Variants in TRPM3 observed in about 807,000 individuals in gnomAD.
The protein encoded by TRPM3 is long transient receptor potential channel 3.
Under a neutral mutation model 181.2 loss-of-function variants are expected in TRPM3, and 77 were observed. The ratio of observed to expected loss-of-function variants is 0.42; its 90% confidence interval spans 0.35 to 0.51. TRPM3 has a LOEUF of 0.51. TRPM3 is among the 20% of genes least tolerant of loss of function. The probability of loss-of-function intolerance (pLI) is 0.01; values close to 1 mark genes in which losing one functional copy is unlikely to be tolerated. For missense variants in TRPM3, 1,759 were observed against 2,196.7 expected (o/e 0.80, Z 3.98); for synonymous variants, 745 against 796.4 (o/e 0.94, Z 1.09).
At chr9:70,609,056 TATGTCAAGGAACTGTTCTA>T (rs1474544994) in intron 19 of TRPM3, among the ~76,000 whole-genome samples, 1 of 152,226 alleles carries the variant, frequency 6.6e-6, no homozygotes, top group African/African-American at 2.4e-5. Context: ...ATTGTACTTA[TATGTCAAGGAACTGTTCTA>T]AGTGCTTTAC....
At chr9:70,563,557 T>C (rs1017121153) in intron 22 of TRPM3, among the ~76,000 whole-genome samples, 3 of 152,160 alleles carry the variant, frequency 2.0e-5, no homozygotes, top group East Asian at 1.9e-4. Context: ...AGTGAGTTCA[T>C]TGAATGGCCA....
chr9:71,015,971 C>A (rs958076904), intron 1 of TRPM3, among the ~76,000 whole-genome samples: 1 of 151,626 alleles, frequency 6.6e-6, no homozygotes, highest in African/African-American at 2.4e-5. Context: ...CCGAGGGAGG[C>A]GGATCACGAG....
chr9:71,099,853 G>GT (rs1163086432), intron 1 of TRPM3, among the ~76,000 whole-genome samples: 1 of 152,142 alleles, frequency 6.6e-6, no homozygotes, highest in African/African-American at 2.4e-5. Context: ...TTTAAAGAGA[G>GT]TAAATCCTTT....
At chr9:71,290,923 C>G (rs1588322899) in intron 1 of TRPM3, among the ~76,000 whole-genome samples, 1 of 151,890 alleles carries the variant, frequency 6.6e-6, no homozygotes, top group Non-Finnish European at 1.5e-5. Context: ...AAAAAGAAAA[C>G]AGCACAAGCA....
chr9:70,874,325 T>C lies in TRPM3; in HGVS notation c.178-9814A>G, dbSNP rs1004648958. The stretch of plus-strand genomic sequence containing the variant: ...TTATTCTGCAGTTCCCAGAATGCTA[T>C]GGCATATAGAATTTCATGTAATCTT... On this transcript the variant is annotated intron_variant, in intron 1 of 25. Coordinates refer to ENST00000677713, the MANE Select transcript of TRPM3 (RefSeq NM_001366145.2). 3.9e-5 allele frequency among the ~76,000 whole-genome samples: 6 copies of C among 152,134 alleles called. No individual in the cohort carries two copies. In the South Asian group the frequency reaches 1.2e-3, roughly 32 times the overall value.
chr9:70,588,760 A>G (rs991312434), intron 22 of TRPM3, among the ~76,000 whole-genome samples: 6 of 152,240 alleles, frequency 3.9e-5, no homozygotes, highest in Admixed American at 1.3e-4. Flanking sequence ...ACTCCAGAGC[A>G]GTTCTGAATG....
Position 70,625,216 on chromosome 9 carries a change from T to C in TRPM3, c.1784A>G (p.Tyr595Cys). 1 of 1,613,996 alleles carries C rather than the reference T, an allele frequency of 6.2e-7. No homozygotes were observed. The change falls in exon 14 of 26, where the codon TAC becomes TGC. Residue 595 changes from tyrosine to cysteine, a missense_variant. Tyr to Cys is a radical substitution (Grantham distance 194, BLOSUM62 -2). Around this residue, in one of 8 missense-constraint regions of TRPM3, gnomAD observed 737 missense variants for 957.4 expected, o/e 0.77. Coordinates refer to ENST00000677713, the MANE Select transcript of TRPM3 (RefSeq NM_001366145.2). The surrounding 1 kb of genome is among the most constrained non-coding windows in gnomAD (Gnocchi z 4.8). ...NYTRKRFRTL[Y>C]HNLFGPKRPK... is the part of the protein sequence containing the mutation. Reference sequence around the variant, plus strand: ...CCTCTTGGGGCCGAAGAGGTTGTGGTAGAGGGTCCGGAAGCGCTTGCGCGT... The same window carrying C: ...CCTCTTGGGGCCGAAGAGGTTGTGGCAGAGGGTCCGGAAGCGCTTGCGCGT...
At chr9:71,133,734 T>C (rs1457611026) in intron 1 of TRPM3, among the ~76,000 whole-genome samples, 1 of 152,226 alleles carries the variant, frequency 6.6e-6, no homozygotes, top group Admixed American at 6.5e-5. Context: ...TTGATGATGT[T>C]GTTATTTACA....
At chr9:71,348,125 TTA>T (rs1319623741) in intron 1 of TRPM3, among the ~76,000 whole-genome samples, 1 of 152,198 alleles carries the variant, frequency 6.6e-6, no homozygotes, top group African/African-American at 2.4e-5. Context: ...AAAAAGAAAA[TTA>T]TTTTTGCCCT....
intron 21 of TRPM3, 152 bp downstream of exon 21, chr9:70,598,267 C>T: frequency 9.5e-7 from 1 of 1,048,406 alleles, no homozygotes; most frequent in East Asian, 2.4e-5. Context: ...GTCAAACCCC[C>T]AAACATTCAA....
At chr9:70,761,503 G>C in intron 8 of TRPM3, 98 bp downstream of exon 8, 2 of 1,573,090 alleles carry the variant, frequency 1.3e-6, no homozygotes, top group African/African-American at 1.3e-5. Context: ...AGCTCGGCCA[G>C]AAAGAGAGAA....
chr9:71,407,198 G>A (rs2093452281), intron 1 of TRPM3, among the ~76,000 whole-genome samples: 1 of 152,144 alleles, frequency 6.6e-6, no homozygotes, highest in African/African-American at 2.4e-5. Flanking sequence ...TTCCAACTGA[G>A]GTACCGGGTT....
At chr9:71,147,006 C>T (rs527457354) in intron 1 of TRPM3, among the ~76,000 whole-genome samples, 24 of 152,200 alleles carry the variant, frequency 1.6e-4, no homozygotes, top group Admixed American at 4.6e-4. Flanking sequence ...AACCCGTCTG[C>T]GAGGGAAACC....
intron 8 of TRPM3, among the ~76,000 whole-genome samples, chr9:70,687,479 T>C (rs963200489): frequency 8.5e-5 from 13 of 152,202 alleles, no homozygotes; most frequent in African/African-American, 3.1e-4. Context: ...TAGTTGATCT[T>C]ATCAAAGCAC....
chr9:71,228,321 T>G (rs1201000811), intron 1 of TRPM3, among the ~76,000 whole-genome samples: 3 of 151,716 alleles, frequency 2.0e-5, no homozygotes, highest in Non-Finnish European at 4.4e-5. Flanking sequence ...ATAGAAGGAG[T>G]AAACCTCAAC....
At chr9:70,758,561 C>T (rs1009883197) in intron 8 of TRPM3, among the ~76,000 whole-genome samples, 4 of 152,130 alleles carry the variant, frequency 2.6e-5, no homozygotes, top group Admixed American at 6.6e-5. Flanking sequence ...GGAGGCATCA[C>T]GCTACCTGGC....
At chr9:71,188,319 G>A (rs970716244) in intron 1 of TRPM3, among the ~76,000 whole-genome samples, 2 of 151,716 alleles carry the variant, frequency 1.3e-5, no homozygotes, top group African/African-American at 4.8e-5. Flanking sequence ...ATGTGAGTAG[G>A]AAAAGGAAAA....
rs143309691 is a variant in TRPM3, at chr9:70,914,595, G to A, written c.178-50084C>T. On this transcript the variant is annotated intron_variant, in intron 1 of 25. Coordinates refer to ENST00000677713, the MANE Select transcript of TRPM3 (RefSeq NM_001366145.2). ...TGACAATGCAGAGTCCAGTGTCCTT[G>A]AGCAAACATAGGAGACAGCTAGGGA... Among the ~76,000 whole-genome samples the A allele has an allele frequency of 2.2e-4, 34 of 152,284 alleles. No individual in the cohort carries two copies. In the East Asian group the frequency reaches 5.2e-3, roughly 23 times the overall value.
chr9:70,636,147 A>G (rs921465946), intron 11 of TRPM3, among the ~76,000 whole-genome samples: 7 of 152,260 alleles, frequency 4.6e-5, no homozygotes, highest in African/African-American at 1.7e-4. Flanking sequence ...GCAAGTAGCC[A>G]TAGATCATAT....
Sources: gnomAD v4.1 joint callset for allele counts (sites outside exome capture counted in the v4.1 genomes callset) on GRCh38, gnomAD v4.1.1 for gene constraint, gnomAD v4.1.1 regional missense constraint, Gnocchi (gnomAD v3.1) non-coding constraint, MANE v1.5 for transcripts, NCBI Gene and HGNC (gene_info 2026-07-23, HGNC 2026-07-21) for gene names.